PDE4B: variants seen among roughly 807,000 people sequenced by gnomAD.
PDE4B encodes 3',5'-cyclic-AMP phosphodiesterase 4B.
Under a neutral mutation model 82.2 loss-of-function variants are expected in PDE4B, and 20 were observed. The observed-to-expected ratio is 0.24, with a 90% CI of 0.17 to 0.35. The LOEUF is 0.35. Among genes scored for constraint, PDE4B ranks in the 10% least tolerant of loss-of-function variants. The pLI is 1.00. For synonymous variants in PDE4B, 320 were observed against 318.9 expected (o/e 1.00, Z -0.04); for missense variants, 655 against 907.2 (o/e 0.72, Z 3.57).
chr1:66,053,779 A>C (rs920372892), intron 3 of PDE4B, among the ~76,000 whole-genome samples: 1 of 152,140 alleles, frequency 6.6e-6, no homozygotes, highest in Non-Finnish European at 1.5e-5. Context: ...GAATTGCTTG[A>C]ACCCAGGAGG....
intron 3 of PDE4B, among the ~76,000 whole-genome samples, chr1:65,972,293 C>T (rs1330090282): frequency 2.0e-5 from 3 of 152,172 alleles, no homozygotes; most frequent in Admixed American, 2.0e-4. Flanking sequence ...AATATTCCTT[C>T]AAATGGCCCA....
chr1:66,229,526 C>T (rs1334976185), intron 3 of PDE4B, among the ~76,000 whole-genome samples: 1 of 152,236 alleles, frequency 6.6e-6, no homozygotes, highest in African/African-American at 2.4e-5. Context: ...TGTTACAAGG[C>T]AGCCACCACT....
chr1:66,241,581 C>T (rs1227167233), intron 3 of PDE4B, among the ~76,000 whole-genome samples: 1 of 152,086 alleles, frequency 6.6e-6, no homozygotes, highest in Non-Finnish European at 1.5e-5. Flanking sequence ...TCTTGTCTCA[C>T]TGCAATCTCC....
intron 3 of PDE4B, among the ~76,000 whole-genome samples, chr1:66,184,878 G>A (rs1442985219): frequency 6.6e-6 from 1 of 150,744 alleles, no homozygotes; most frequent in Non-Finnish European, 1.5e-5. Context: ...TAGGGTACAT[G>A]TGCACAACGT....
chr1:65,887,023 C>T (rs1177441428), intron 1 of PDE4B, among the ~76,000 whole-genome samples: 1 of 152,068 alleles, frequency 6.6e-6, no homozygotes, highest in Non-Finnish European at 1.5e-5. Flanking sequence ...CACATTCTCA[C>T]CAGCATCTGC....
chr1:66,184,336 G>A (rs988182902), intron 3 of PDE4B, among the ~76,000 whole-genome samples: 2 of 152,102 alleles, frequency 1.3e-5, no homozygotes, highest in African/African-American at 4.8e-5. Flanking sequence ...GAATTTATTT[G>A]TTTAAAAATA....
intron 8 of PDE4B, among the ~76,000 whole-genome samples, chr1:66,342,083 C>A (rs1020418091): frequency 5.1e-5 from 6 of 118,672 alleles, no homozygotes; most frequent in Admixed American, 4.8e-4. Context: ...GCTGATACTG[C>A]AAGTATTTTG....
At chr1:66,200,740 T>C (rs1218424918) in intron 3 of PDE4B, among the ~76,000 whole-genome samples, 1 of 152,136 alleles carries the variant, frequency 6.6e-6, no homozygotes, top group Non-Finnish European at 1.5e-5. Context: ...CTTAAGGAGA[T>C]TTTGGGCTGA....
At chr1:66,370,150 CAAAAAAAAAAAAA>C (rs752920376) in intron 16 of PDE4B, among the ~76,000 whole-genome samples, 3 of 28,622 alleles carry the variant, frequency 1.0e-4, no homozygotes, top group Non-Finnish European at 2.5e-4. Context: ...GACTCTATCT[CAAAAAAAAAAAAA>C]AAAAAAAAAA....
At chr1:65,820,131 A>T (rs1004653530) in intron 1 of PDE4B, among the ~76,000 whole-genome samples, 10 of 152,330 alleles carry the variant, frequency 6.6e-5, no homozygotes, top group African/African-American at 2.4e-4. Context: ...GCATTCTGAG[A>T]CTGAAATTGG....
chr1:65,813,773 G>A (rs979861440), intron 1 of PDE4B, among the ~76,000 whole-genome samples: 5 of 151,774 alleles, frequency 3.3e-5, no homozygotes, highest in African/African-American at 1.2e-4. Context: ...TTTTTCTTTG[G>A]CAGCAGTGCA....
intron 1 of PDE4B, among the ~76,000 whole-genome samples, chr1:65,860,834 A>T (rs1219129418): frequency 2.0e-5 from 3 of 152,180 alleles, no homozygotes; most frequent in African/African-American, 7.2e-5. Context: ...TGTTGGCTGC[A>T]AAAATGTCTT....
intron 7 of PDE4B, among the ~76,000 whole-genome samples, chr1:66,297,868 G>C (rs1159532362): frequency 1.3e-5 from 2 of 152,098 alleles, no homozygotes; most frequent in Admixed American, 6.6e-5. Flanking sequence ...AAAGTTAAAT[G>C]ATCCAATTTA....
At chr1:65,923,840 C>T (rs1330627511) in intron 3 of PDE4B, among the ~76,000 whole-genome samples, 2 of 151,914 alleles carry the variant, frequency 1.3e-5, no homozygotes, top group Admixed American at 6.6e-5. Context: ...TGGGATTTCC[C>T]GGACTTCTTG....
intron 3 of PDE4B, among the ~76,000 whole-genome samples, chr1:66,143,971 C>T (rs1646222690): frequency 6.6e-6 from 1 of 152,200 alleles, no homozygotes; most frequent in Non-Finnish European, 1.5e-5. Context: ...CCCCAGACTC[C>T]TTGTTATGGG....
At chr1:66,032,616 C>A (rs6588180) in intron 3 of PDE4B, among the ~76,000 whole-genome samples, 32,961 of 151,200 alleles carry the variant, frequency 0.22, 4,097 homozygotes, top group Middle Eastern at 0.37. Flanking sequence ...AGAGTCTCTA[C>A]AGCTGAGTTT....
At chr1:66,090,621 A>G (rs78991952) in intron 3 of PDE4B, among the ~76,000 whole-genome samples, 8,104 of 122,524 alleles carry the variant, frequency 0.066, 749 homozygotes, top group East Asian at 0.38. Flanking sequence ...TATATAATAT[A>G]TGTGTGTGTG....
At chr1:65,877,716 C>T (rs897246175) in intron 1 of PDE4B, among the ~76,000 whole-genome samples, 1 of 151,684 alleles carries the variant, frequency 6.6e-6, no homozygotes, top group African/African-American at 2.4e-5. Flanking sequence ...ATTCCTTACA[C>T]CCTATACAAA....
chr1:65,995,629 T>A (rs1651500089), intron 3 of PDE4B, among the ~76,000 whole-genome samples: 1 of 152,200 alleles, frequency 6.6e-6, no homozygotes, highest in Non-Finnish European at 1.5e-5. Context: ...TTTACATAGA[T>A]GAAATGGTTA....
Sources: allele counts gnomAD v4.1 joint callset (sites outside exome capture counted in the v4.1 genomes callset), GRCh38; gene constraint gnomAD v4.1.1; transcripts MANE v1.5; gene names NCBI Gene and HGNC (gene_info 2026-07-23, HGNC 2026-07-21).